CTNNA3: variants seen among roughly 807,000 people sequenced by gnomAD.
CTNNA3 encodes catenin alpha 3, also known as catenin alpha-3.
In CTNNA3, 76 loss-of-function variants were observed where a neutral mutation model predicts 95.7. That is an observed-to-expected ratio of 0.79 (90% CI 0.66 to 0.96). The LOEUF (loss-of-function observed/expected upper bound fraction) is 0.96. Among genes scored for constraint, CTNNA3 ranks in the 40% least tolerant of loss-of-function variants. The pLI is 0.00. For synonymous variants in CTNNA3, 431 were observed against 374.4 expected (o/e 1.15, Z -1.74); for missense variants, 1,191 against 1,089.8 (o/e 1.09, Z -1.31).
intron 5 of CTNNA3, among the ~76,000 whole-genome samples, chr10:67,235,699 A>G (rs1291127112): frequency 7.0e-6 from 1 of 143,480 alleles, no homozygotes; most frequent in East Asian, 2.1e-4. Flanking sequence ...CTGCACAGCA[A>G]AAGAAACTAC....
chr10:66,881,637 G>C (rs192543496), intron 7 of CTNNA3, among the ~76,000 whole-genome samples: 5 of 152,068 alleles, frequency 3.3e-5, no homozygotes, highest in African/African-American at 1.2e-4. Flanking sequence ...TGGGCCCTTG[G>C]GTATAGGCTT....
intron 1 of CTNNA3, among the ~76,000 whole-genome samples, chr10:67,708,911 T>G (rs1466329300): frequency 6.6e-6 from 1 of 151,932 alleles, no homozygotes; most frequent in Non-Finnish European, 1.5e-5. Context: ...TATCCTGAAA[T>G]GAAATTTATA....
At chr10:67,151,067 G>C (rs1861067757) in intron 7 of CTNNA3, among the ~76,000 whole-genome samples, 1 of 152,072 alleles carries the variant, frequency 6.6e-6, no homozygotes, top group Admixed American at 6.5e-5. Flanking sequence ...TCTTCACACA[G>C]ATACTTTTTC....
At chr10:67,033,456 T>G (rs949210985) in intron 7 of CTNNA3, among the ~76,000 whole-genome samples, 1 of 152,190 alleles carries the variant, frequency 6.6e-6, no homozygotes, top group East Asian at 1.9e-4. Flanking sequence ...CAATACTTGG[T>G]CAGAAAAAAT....
At position 65,930,199 on chromosome 10, in the gene CTNNA3, TAAA is replaced by T. The variant is rs71472402; in HGVS notation, c.2401-9585_2401-9583del. Among the ~76,000 whole-genome samples, 524 of 60,694 alleles carry T rather than the reference TAAA, an allele frequency of 8.6e-3. 2 individuals are homozygous for T. The highest frequency in any genetic ancestry group is 0.025 in the African/African-American group (432 of 17,230). 39.8% of individuals were successfully genotyped at this position (60,694 alleles called of 152,430 possible). ...GGTGAGTGTATCAGTCAGAGCTCAGTAAAAAAAAAAAAAAAAAAAAAAAAAAAC... is the reference window on the plus strand; with the variant it reads ...GGTGAGTGTATCAGTCAGAGCTCAGTAAAAAAAAAAAAAAAAAAAAAAAAC... On this transcript the variant is annotated intron_variant, in intron 17 of 17. Transcript: ENST00000433211.
chr10:66,863,434 A>G (rs144708058), intron 7 of CTNNA3, among the ~76,000 whole-genome samples: 1 of 152,128 alleles, frequency 6.6e-6, no homozygotes, highest in Non-Finnish European at 1.5e-5. Context: ...CAGGCAAGAG[A>G]CAAATTTGTG....
intron 5 of CTNNA3, among the ~76,000 whole-genome samples, chr10:67,426,785 C>G (rs1419785912): frequency 6.6e-6 from 1 of 150,654 alleles, no homozygotes; most frequent in Non-Finnish European, 1.5e-5. Context: ...TGCACATGTA[C>G]CCTAGAACTT....
At chr10:67,421,915 A>G (rs1845761564) in intron 5 of CTNNA3, among the ~76,000 whole-genome samples, 1 of 152,176 alleles carries the variant, frequency 6.6e-6, no homozygotes. Flanking sequence ...ATGTATGTAT[A>G]TGTATGTGTG....
chr10:66,314,442 T>G (rs908925850), intron 12 of CTNNA3, among the ~76,000 whole-genome samples: 1 of 152,208 alleles, frequency 6.6e-6, no homozygotes, highest in Admixed American at 6.5e-5. Context: ...GTGATTATGC[T>G]CTCATTGACC....
chr10:66,690,457 T>C (rs1847479683), intron 9 of CTNNA3, among the ~76,000 whole-genome samples: 1 of 151,746 alleles, frequency 6.6e-6, no homozygotes, highest in African/African-American at 2.4e-5. Flanking sequence ...GTATATCTCC[T>C]AATGCTATCC....
At chr10:67,583,946 A>T (rs1232035680) in intron 3 of CTNNA3, among the ~76,000 whole-genome samples, 2 of 152,014 alleles carry the variant, frequency 1.3e-5, no homozygotes, top group African/African-American at 4.8e-5. Flanking sequence ...TGCTTATTCT[A>T]GTTGGCCATT....
chr10:66,912,962 G>C (rs552254165), intron 7 of CTNNA3, among the ~76,000 whole-genome samples: 1 of 152,074 alleles, frequency 6.6e-6, no homozygotes, highest in Non-Finnish European at 1.5e-5. Flanking sequence ...TACATAGGCC[G>C]GGCGCGGTGG....
intron 7 of CTNNA3, among the ~76,000 whole-genome samples, chr10:66,840,423 G>T (rs1482336040): frequency 7.1e-6 from 1 of 140,420 alleles, no homozygotes; most frequent in Non-Finnish European, 1.5e-5. Context: ...CCTCGGTATA[G>T]GTTGGAAGTC....
intron 7 of CTNNA3, among the ~76,000 whole-genome samples, chr10:66,787,477 C>A (rs1275554256): frequency 6.6e-6 from 1 of 152,070 alleles, no homozygotes; most frequent in Non-Finnish European, 1.5e-5. Flanking sequence ...CTCTATTGGG[C>A]TTTTCTCTTT....
chr10:66,829,215 G>A (rs1842624459), intron 7 of CTNNA3, among the ~76,000 whole-genome samples: 1 of 152,182 alleles, frequency 6.6e-6, no homozygotes, highest in Non-Finnish European at 1.5e-5. Flanking sequence ...AGTAAAAGTG[G>A]TTCAGGGCCA....
intron 7 of CTNNA3, among the ~76,000 whole-genome samples, chr10:66,980,034 CT>C (rs1394274822): frequency 6.6e-6 from 1 of 152,108 alleles, no homozygotes; most frequent in African/African-American, 2.4e-5. Flanking sequence ...ACTGGAGACA[CT>C]TTTTTCCCTA....
intron 1 of CTNNA3, among the ~76,000 whole-genome samples, chr10:67,717,953 CAG>C (rs1841154230): frequency 6.6e-6 from 1 of 152,074 alleles, no homozygotes; most frequent in African/African-American, 2.4e-5. Context: ...CCCACGAGCA[CAG>C]AATGTTTTTC....
intron 5 of CTNNA3, among the ~76,000 whole-genome samples, chr10:67,387,490 C>A (rs950554036): frequency 2.6e-5 from 4 of 152,160 alleles, no homozygotes; most frequent in Admixed American, 2.6e-4. Flanking sequence ...GGGAGGGGCG[C>A]CCACCATAGC....
chr10:67,424,229 G>C (rs757828451), intron 5 of CTNNA3, among the ~76,000 whole-genome samples: 20 of 152,044 alleles, frequency 1.3e-4, no homozygotes, highest in Non-Finnish European at 2.2e-4. Flanking sequence ...TTATCACCAA[G>C]CTTTCAACCC....
Sources: allele counts gnomAD v4.1 joint callset (sites outside exome capture counted in the v4.1 genomes callset), GRCh38; gene constraint gnomAD v4.1.1; transcripts MANE v1.5; gene names NCBI Gene and HGNC (gene_info 2026-07-23, HGNC 2026-07-21).